Variants in CTC1 observed in about 807,000 individuals in gnomAD.
The protein encoded by CTC1 is CST telomere replication complex component 1, also known as CST complex subunit CTC1.
A neutral mutation model predicts 136.3 loss-of-function variants in CTC1; 91 were observed. The ratio of observed to expected loss-of-function variants is 0.67; its 90% CI spans 0.56 to 0.79. The LOEUF (loss-of-function observed/expected upper bound fraction) is 0.79, where lower values mean the gene tolerates loss of function less well. Among genes scored for constraint, CTC1 ranks in the 30% least tolerant of loss-of-function variants. CTC1 has a pLI of 0.00. For synonymous variants in CTC1, 606 were observed against 613.8 expected, an observed-to-expected ratio of 0.99 and a Z score of 0.19; for missense variants, 1,432 against 1,498.1, an observed-to-expected ratio of 0.96 and a Z score of 0.73.
intron 5 of CTC1, 67 bp from the exon 6 acceptor site, chr17:8,236,409 T>C: frequency 1.2e-5 from 18 of 1,513,806 alleles, no homozygotes; most frequent in Non-Finnish European, 1.5e-5. Flanking sequence ...CCAGAGTCCT[T>C]TTCCCTCACG....
At chr17:8,230,673 C>G (rs1473320282) in intron 15 of CTC1, 22 bp from the exon 16 acceptor site, 1 of 1,601,862 alleles carries the variant, frequency 6.2e-7, no homozygotes, top group African/African-American at 1.3e-5. Context: ...GGGAAATACA[C>G]TGAGAATGGA....
At chr17:8,232,305 C>G (rs755533545) in intron 12 of CTC1, 56 bp downstream of exon 12, 1 of 1,582,676 alleles carries the variant, frequency 6.3e-7, no homozygotes, top group East Asian at 2.2e-5. Flanking sequence ...CCACTCCTTC[C>G]ACCAGGCCCT....
chr17:8,231,428 A>C lies in CTC1; in HGVS notation c.2517T>G (p.Ser839=). 1.2e-6 allele frequency: 2 copies of C among 1,613,256 alleles called. No homozygotes were observed. Among genetic ancestry groups the C allele is most frequent in the South Asian group, 2.2e-5 (2 of 90,980 alleles). ...AGCCAGCCAACTCCAGAGGACGCCG[A>C]GATATGCAGGATGAACCATCCTTTT... is the stretch of plus-strand genomic sequence containing the variant. ...LFEKDGSSCI[S]RRPLELAGCA... Residue 839 remains serine, a synonymous_variant, in exon 15 of 23, where the codon TCT becomes TCG. Transcript: ENST00000651323.
At position 8,234,796 on chromosome 17, in the gene CTC1, C is replaced by A; in HGVS notation, c.1570G>T (p.Ala524Ser). ...GGCTCTTCAAGGATCTCATTGTGTGCATTCCGAACAGGGCTGCCTGGCGGA... is the reference window on the plus strand; with the variant it reads ...GGCTCTTCAAGGATCTCATTGTGTGAATTCCGAACAGGGCTGCCTGGCGGA... The part of the protein sequence containing the change: ...LAPPGSPVRN[A>S]HNEILEEPHH... The change falls in exon 9 of 23, where the codon GCA becomes TCA. Residue 524 changes from alanine to serine, a missense_variant. Coordinates refer to ENST00000651323, the MANE Select transcript of CTC1 (RefSeq NM_025099.6). The A allele has an allele frequency of 6.2e-7, 1 of 1,610,342 alleles. No individual in the cohort carries two copies. The highest frequency in any genetic ancestry group is 8.5e-7 in the Non-Finnish European group (1 of 1,178,096).
rs780280078 is a variant in CTC1 at position 8,233,061 on chromosome 17, A to C, written c.1819-29T>G. The C allele has an allele frequency of 3.1e-6, 5 of 1,612,278 alleles. No individual in the cohort carries two copies. The Admixed American group carries it at 8.3e-5, about 27-fold the overall frequency. The stretch of plus-strand genomic sequence containing the variant: ...CAAGAAGATGAAGGTTGAGTTATCA[A>C]ATGTTTATTCAGCAAATACTGAGCA... On this transcript the variant is annotated intron_variant, in intron 10 of 22. Coordinates refer to ENST00000651323, the MANE Select transcript of CTC1 (RefSeq NM_025099.6).
rs371046424 is a variant in CTC1, at chr17:8,232,114, G to C, written c.2174C>G (p.Pro725Arg). 102 of 1,535,430 alleles carry C rather than the reference G, an allele frequency of 6.6e-5. No homozygotes were observed. The African/African-American group carries it at 9.7e-4, about 15-fold the overall frequency. ...PQTDPTGPEGPHLGQSRLFLL... is the reference protein window; with the variant it reads ...PQTDPTGPEGRHLGQSRLFLL... The stretch of plus-strand genomic sequence containing the variant: ...GAAGAGCCGGCTCTGTCCTAGGTGG[G>C]GTCCCTCTGGGCCGGTGGGATCTGT... Residue 725 changes from proline to arginine, a missense_variant, in exon 13 of 23, where the codon CCC becomes CGC. Pro to Arg is a moderately radical substitution (Grantham distance 103). Coordinates refer to ENST00000651323, the MANE Select transcript of CTC1 (RefSeq NM_025099.6).
chr17:8,232,344 G>C lies in CTC1; in HGVS notation c.2060+17C>G. ...TTCCCCCCAGACTCAAGACAACCAT[G>C]ACCCCAAGGAGCCAACCTGGCCTGC... On this transcript the variant is annotated intron_variant, in intron 12 of 22. Coordinates refer to ENST00000651323, the MANE Select transcript of CTC1 (RefSeq NM_025099.6). 6.2e-7 allele frequency: 1 copy of C among 1,608,992 alleles called. No individual in the cohort carries two copies. The highest frequency in any genetic ancestry group is 1.3e-5 in the African/African-American group (1 of 74,812).
intron 17 of CTC1, 124 bp from the exon 18 acceptor site, chr17:8,230,092 C>G (rs1366743880): frequency 7.6e-6 from 8 of 1,046,416 alleles, no homozygotes; most frequent in Non-Finnish European, 1.2e-5. Flanking sequence ...CTAGCCATGG[C>G]TCTACCAAAG....
intron 10 of CTC1, among the ~76,000 whole-genome samples, chr17:8,234,201 T>G (rs530327636): frequency 6.6e-6 from 1 of 152,160 alleles, no homozygotes; most frequent in Admixed American, 6.5e-5. Flanking sequence ...TCTCAAACTC[T>G]TGGGCTCCAG....
intron 15 of CTC1, chr17:8,231,059 C>T (rs897555807): frequency 2.4e-5 from 12 of 502,292 alleles, no homozygotes; most frequent in African/African-American, 1.2e-4. Flanking sequence ...GATAATCCTT[C>T]GAACCAGGGA....
chr17:8,239,126 G>A (rs532049276), intron 2 of CTC1, among the ~76,000 whole-genome samples: 4 of 150,884 alleles, frequency 2.7e-5, no homozygotes, highest in African/African-American at 9.8e-5. Context: ...AAGAAAATAA[G>A]GATGGGATCT....
intron 7 of CTC1, 30 bp downstream of exon 7, chr17:8,235,801 C>CT: frequency 6.4e-7 from 1 of 1,565,090 alleles, no homozygotes; most frequent in Non-Finnish European, 8.7e-7. Context: ...GCAGAGGTCT[C>CT]TTTTTGTTAT....
Position 8,235,149 on chromosome 17 carries a change from T to C in CTC1, c.1343A>G (p.Tyr448Cys), listed in dbSNP as rs779866795. 5.6e-6 allele frequency: 9 copies of C among 1,614,040 alleles called. No individual in the cohort carries two copies. The highest frequency in any genetic ancestry group is 2.7e-5 in the African/African-American group (2 of 74,922). The change falls in exon 8 of 23, where the codon TAC (tyrosine) becomes TGC (cysteine). Residue 448 changes from tyrosine to cysteine, a missense_variant. By Grantham distance (194) the Tyr-to-Cys change is radical. Transcript: ENST00000651323. Reference sequence around the variant, plus strand: ...CAGCTGCTCGTACAGGGAGGCCCCGTAGGCTTGACGGGATGAGTGAGCCCC... The same window carrying C: ...CAGCTGCTCGTACAGGGAGGCCCCGCAGGCTTGACGGGATGAGTGAGCCCC... ...KPGAHSSRQAYGASLYEQLVW... is the reference protein window; with the variant it reads ...KPGAHSSRQACGASLYEQLVW...
intron 18 of CTC1, 102 bp downstream of exon 18, chr17:8,229,789 T>C (rs542516383): frequency 2.3e-5 from 22 of 940,404 alleles, no homozygotes; most frequent in African/African-American, 1.3e-4. Context: ...CTTGTTGGGA[T>C]TGGAGAAGAC....
Position 8,237,538 on chromosome 17 carries a change from C to T in CTC1, c.648-19G>A. ...CTTGTTTCTAAGAAGGAAGAAAAAG[C>T]CCTGTAATCCCAGCTACTCAGGAGG... On this transcript the variant is annotated intron_variant, in intron 4 of 22. Transcript: ENST00000651323. The T allele has an allele frequency of 1.2e-6, 2 of 1,612,574 alleles. No homozygotes were observed. Among genetic ancestry groups the T allele is most frequent in the South Asian group, 1.1e-5 (1 of 90,922 alleles).
At chr17:8,232,634 A>G in intron 11 of CTC1, 159 bp from the exon 12 acceptor site, 1 of 673,618 alleles carries the variant, frequency 1.5e-6, no homozygotes, top group Non-Finnish European at 2.6e-6. Context: ...GAGGGGTGAC[A>G]CCTTCTCTCC....
At chr17:8,237,563 G>A (rs1987835811) in intron 4 of CTC1, 44 bp from the exon 5 acceptor site, 3 of 1,574,424 alleles carry the variant, frequency 1.9e-6, no homozygotes, top group Non-Finnish European at 1.7e-6. Flanking sequence ...TACTCAGGAG[G>A]CTGAGGGAGG....
rs1358336426 is a variant in CTC1 at position 8,226,657 on chromosome 17, C to T, written c.*1523G>A. 3 of 152,200 alleles carry T rather than the reference C, an allele frequency of 2.0e-5. No homozygotes were observed. The highest frequency in any genetic ancestry group is 4.4e-5 in the Non-Finnish European group (3 of 68,034). 9.4% of individuals were successfully genotyped at this position (152,200 alleles called of 1,614,324 possible). A position where few individuals can be genotyped will look rare whatever the true frequency, so the allele number is the denominator to read the frequency against. On this transcript the variant is annotated 3_prime_UTR_variant, in exon 23 of 23. Coordinates refer to ENST00000651323, the MANE Select transcript of CTC1 (RefSeq NM_025099.6). ...TGCGCGGGGAGACCCCAATGGATTT[C>T]TAGTCCATCGCCTTAACCACTCGGC...
intron 1 of CTC1, among the ~76,000 whole-genome samples, chr17:8,243,516 T>A (rs1316260222): frequency 6.9e-6 from 1 of 144,324 alleles, no homozygotes; most frequent in African/African-American, 2.6e-5. Flanking sequence ...GGAAACTCCG[T>A]CTCAAAAAAA....
Sources: allele counts gnomAD v4.1 joint callset (sites outside exome capture counted in the v4.1 genomes callset), GRCh38; gene constraint gnomAD v4.1.1; transcripts MANE v1.5; gene names NCBI Gene and HGNC (gene_info 2026-07-23, HGNC 2026-07-21).